GLI3: variants seen among roughly 807,000 people sequenced by gnomAD.
GLI3 encodes the protein transcription activator GLI3.
GLI3 carries 20 observed loss-of-function variants against 100.8 expected under a neutral mutation model. The observed-to-expected ratio is 0.20, with a 90% CI of 0.14 to 0.29. GLI3 has a LOEUF of 0.29. GLI3 is among the 10% of genes least tolerant of loss of function. The pLI is 1.00. For synonymous variants in GLI3, 938 were observed against 860.5 expected (o/e 1.09, Z -1.58); for missense variants, 2,040 against 2,128.5 (o/e 0.96, Z 0.82).
At chr7:42,225,604 A>G (rs1199354899) in intron 1 of GLI3, among the ~76,000 whole-genome samples, 2 of 152,040 alleles carry the variant, frequency 1.3e-5, no homozygotes, top group African/African-American at 4.8e-5. Context: ...CAGGTGATCC[A>G]CCCGCCTCGG....
At chr7:42,238,025 TCTCCTC>T (rs936105925), upstream of GLI3, among the ~76,000 whole-genome samples, 8 of 108,928 alleles carry the variant, frequency 7.3e-5, no homozygotes, top group African/African-American at 1.5e-4. Context: ...TCCTCCTCCT[TCTCCTC>T]CTCCTCCTCC....
intron 2 of GLI3, among the ~76,000 whole-genome samples, chr7:42,214,373 G>T (rs1163338182): frequency 6.6e-6 from 1 of 151,896 alleles, no homozygotes; most frequent in Admixed American, 6.6e-5. Context: ...AAAGAATGCG[G>T]GATGAAGCTA....
chr7:42,213,534 T>C (rs1443931932), intron 2 of GLI3, among the ~76,000 whole-genome samples: 1 of 152,192 alleles, frequency 6.6e-6, no homozygotes. Flanking sequence ...TGTCATATCA[T>C]CGACACTGTT....
rs556097896 is a variant in GLI3 at position 42,188,649 on chromosome 7, A to C, written c.124+34481T>G. Among the ~76,000 whole-genome samples, 3 of 152,346 alleles carry C rather than the reference A, an allele frequency of 2.0e-5. No individual in the cohort carries two copies. In the South Asian group the frequency reaches 6.2e-4, roughly 32 times the overall value. Reference sequence around the variant, plus strand: ...ATAAATAAATACATCCAGACACTGGAATATTACTCAGTGCTGAAATGAAAT... The same window carrying C: ...ATAAATAAATACATCCAGACACTGGCATATTACTCAGTGCTGAAATGAAAT... On this transcript the variant is annotated intron_variant, in intron 2 of 14. Transcript: ENST00000395925.
chr7:42,122,136 G>A (rs699498), intron 3 of GLI3, among the ~76,000 whole-genome samples: 34,604 of 151,172 alleles, frequency 0.23, 4,238 homozygotes, highest in Admixed American at 0.34. Context: ...AATGAAAAAT[G>A]CTATTTGATA....
chr7:42,199,288 T>C (rs1787990988), intron 2 of GLI3, among the ~76,000 whole-genome samples: 1 of 152,226 alleles, frequency 6.6e-6, no homozygotes. Flanking sequence ...AAATTTTCCA[T>C]TGTTGATCCA....
At chr7:42,211,967 C>G (rs1788281165) in intron 2 of GLI3, among the ~76,000 whole-genome samples, 1 of 152,180 alleles carries the variant, frequency 6.6e-6, no homozygotes, top group South Asian at 2.1e-4. Context: ...TTCAACTTTT[C>G]TTTCTTGAGC....
intron 10 of GLI3, among the ~76,000 whole-genome samples, chr7:41,984,316 C>T (rs969635913): frequency 3.9e-5 from 6 of 152,206 alleles, no homozygotes; most frequent in African/African-American, 1.2e-4. Flanking sequence ...TGAAAGGACA[C>T]ATGCAGTCCA....
intron 3 of GLI3, among the ~76,000 whole-genome samples, chr7:42,138,391 T>G (rs1266415975): frequency 6.6e-6 from 1 of 152,130 alleles, no homozygotes; most frequent in Non-Finnish European, 1.5e-5. Context: ...TAAAAATGCA[T>G]CTCACAGACC....
At chr7:42,065,471 T>C (rs1404157200) in intron 4 of GLI3, among the ~76,000 whole-genome samples, 1 of 152,112 alleles carries the variant, frequency 6.6e-6, no homozygotes, top group Non-Finnish European at 1.5e-5. Flanking sequence ...GTATAATGCA[T>C]TAAAGAATAA....
intron 3 of GLI3, among the ~76,000 whole-genome samples, chr7:42,135,106 T>C (rs1786394682): frequency 6.6e-6 from 1 of 152,224 alleles, no homozygotes; most frequent in African/African-American, 2.4e-5. Context: ...TTTACACTTG[T>C]TGATATGCAA....
At chr7:42,142,796 G>A (rs370977406) in intron 3 of GLI3, among the ~76,000 whole-genome samples, 544 of 151,812 alleles carry the variant, frequency 3.6e-3, no homozygotes, top group Non-Finnish European at 6.1e-3. Context: ...AAAATTAGCC[G>A]GGTGTGGTGG....
upstream of GLI3, among the ~76,000 whole-genome samples, chr7:42,238,556 A>G (rs1263681999): frequency 2.0e-5 from 3 of 152,170 alleles, no homozygotes; most frequent in Non-Finnish European, 4.4e-5. Flanking sequence ...TAAAAGACAC[A>G]AAAACAAAGA....
chr7:42,187,436 G>A (rs1402845087), intron 2 of GLI3, among the ~76,000 whole-genome samples: 1 of 152,050 alleles, frequency 6.6e-6, no homozygotes, highest in Non-Finnish European at 1.5e-5. Flanking sequence ...TAAGAGGAAA[G>A]GGTGAAAGTT....
At chr7:42,248,073 A>G (rs1246027076) in intron 1 of GLI3, among the ~76,000 whole-genome samples, 1 of 152,234 alleles carries the variant, frequency 6.6e-6, no homozygotes, top group African/African-American at 2.4e-5. Flanking sequence ...AAGGGATTCA[A>G]TATTCCTATT....
chr7:42,192,213 G>C (rs534825660), intron 2 of GLI3, among the ~76,000 whole-genome samples: 10 of 152,248 alleles, frequency 6.6e-5, no homozygotes, highest in Admixed American at 3.9e-4. Context: ...GTGAGGCGGA[G>C]TTTAATGAGG....
At chr7:41,986,833 A>C (rs1787837454) in intron 10 of GLI3, among the ~76,000 whole-genome samples, 1 of 151,308 alleles carries the variant, frequency 6.6e-6, no homozygotes, top group South Asian at 2.1e-4. Context: ...ATTATATCTC[A>C]ATAAAGATAT....
chr7:42,246,731 T>C (rs1347601111), intron 1 of GLI3, among the ~76,000 whole-genome samples: 1 of 151,616 alleles, frequency 6.6e-6, no homozygotes, highest in East Asian at 1.9e-4. Flanking sequence ...GTCCCAAAAC[T>C]GTTGAAGCTG....
intron 4 of GLI3, among the ~76,000 whole-genome samples, chr7:42,065,144 T>C (rs1784649110): frequency 6.6e-6 from 1 of 150,862 alleles, no homozygotes; most frequent in Admixed American, 6.6e-5. Context: ...AACTTTTTGG[T>C]CCTCTTTTTT....
Sources: allele counts gnomAD v4.1 joint callset (sites outside exome capture counted in the v4.1 genomes callset), GRCh38; gene constraint gnomAD v4.1.1; transcripts MANE v1.5; gene names NCBI Gene and HGNC (gene_info 2026-07-23, HGNC 2026-07-21).